Variants in LUC7L2 observed in about 807,000 individuals in gnomAD.
LUC7L2 encodes the protein putative RNA-binding protein Luc7-like 2.
A neutral mutation model predicts 52.8 loss-of-function variants in LUC7L2; 25 were observed. That is an observed-to-expected ratio of 0.47 (90% CI 0.34 to 0.66). The LOEUF (loss-of-function observed/expected upper bound fraction) is 0.66. Ranked by LOEUF, LUC7L2 falls within the 30% of genes least tolerant of loss-of-function variation. LUC7L2 has a pLI of 0.01. For missense variants in LUC7L2, 328 were observed against 497.8 expected (o/e 0.66, Z 3.25); for synonymous variants, 144 against 160.9 (o/e 0.89, Z 0.80).
At chr7:139,391,281 A>G (rs577889926) in intron 2 of LUC7L2, among the ~76,000 whole-genome samples, 23 of 152,328 alleles carry the variant, frequency 1.5e-4, no homozygotes, top group Admixed American at 1.3e-4. Context: ...TATAAATTCC[A>G]TAATAGTAGA....
chr7:139,349,620 C>T (rs941065996), intron 1 of LUC7L2, among the ~76,000 whole-genome samples: 6 of 150,696 alleles, frequency 4.0e-5, no homozygotes, highest in South Asian at 2.2e-4. Context: ...CTGCTCCCCC[C>T]CCCCCCACCG....
intron 1 of LUC7L2, among the ~76,000 whole-genome samples, chr7:139,367,087 C>A (rs7799598): frequency 6.6e-6 from 1 of 151,848 alleles, no homozygotes; most frequent in African/African-American, 2.4e-5. Flanking sequence ...GGCGATTACC[C>A]TAGCTTCCCG....
intron 1 of LUC7L2, among the ~76,000 whole-genome samples, chr7:139,367,383 AAATAAATAC>A (rs1800216501): frequency 6.6e-6 from 1 of 152,256 alleles, no homozygotes; most frequent in African/African-American, 2.4e-5. Flanking sequence ...ACCACCATAA[AAATAAATAC>A]AATGAAAACA....
chr7:139,353,653 C>T (rs376650313), intron 1 of LUC7L2, among the ~76,000 whole-genome samples: 2 of 152,152 alleles, frequency 1.3e-5, no homozygotes, highest in African/African-American at 4.8e-5. Flanking sequence ...ATTAGCCGGG[C>T]GTGGTGGCAG....
At chr7:139,355,594 A>C (rs1563252731), upstream of LUC7L2, among the ~76,000 whole-genome samples, 1 of 152,250 alleles carries the variant, frequency 6.6e-6, no homozygotes, top group Non-Finnish European at 1.5e-5. Context: ...CCTAATACAA[A>C]TTCTACAACT....
upstream of LUC7L2, among the ~76,000 whole-genome samples, chr7:139,356,127 G>A (rs1442146942): frequency 6.6e-6 from 1 of 150,518 alleles, no homozygotes; most frequent in African/African-American, 2.4e-5. Flanking sequence ...GGCAACATAG[G>A]GAGACCTTGT....
At chr7:139,405,888 T>C in intron 5 of LUC7L2, 101 bp downstream of exon 5, 1 of 1,378,822 alleles carries the variant, frequency 7.3e-7, no homozygotes, top group Non-Finnish European at 9.5e-7. Flanking sequence ...TCTAAGAACA[T>C]GTATTTGAAT....
At chr7:139,416,813 A>C (rs543711906) in intron 8 of LUC7L2, 26 of 152,360 alleles carry the variant, frequency 1.7e-4, no homozygotes, top group African/African-American at 6.0e-4. Flanking sequence ...GTCCTGACGT[A>C]TTCTTCCTCA....
chr7:139,353,056 G>A (rs1799502261), intron 1 of LUC7L2, among the ~76,000 whole-genome samples: 1 of 152,052 alleles, frequency 6.6e-6, no homozygotes, highest in Admixed American at 6.5e-5. Context: ...AAATTAGCTG[G>A]GCTTGGTGCC....
rs564895135 is a variant in LUC7L2, at chr7:139,403,037, G to A, written c.366+790G>A. 1.9e-4 allele frequency among the ~76,000 whole-genome samples: 29 copies of A among 152,258 alleles called. 1 individual carries two copies. Among genetic ancestry groups the A allele is most frequent in the Middle Eastern group, 3.4e-3 (1 of 294 alleles). On this transcript the variant is annotated intron_variant, in intron 4 of 9. Transcript: ENST00000354926. ...GTTACATAAATGAAATCCTGTGTAC[G>A]CTTTTGAGATTTGGCCTTTTTCATT...
At chr7:139,362,019 A>AT (rs1799909117) in intron 1 of LUC7L2, among the ~76,000 whole-genome samples, 1 of 138,918 alleles carries the variant, frequency 7.2e-6, no homozygotes, top group Non-Finnish European at 1.6e-5. Context: ...AGCTAAATTT[A>AT]AATATATATA....
rs559755005 is a variant in LUC7L2, at chr7:139,372,403, CCTT to C, written c.62-3655_62-3653del. On this transcript the variant is annotated intron_variant, in intron 1 of 9. Transcript: ENST00000354926. Reference sequence around the variant, plus strand: ...ATGGTTTACTTACTGTTCCCCCAAACCTTCTTGCTCTTATAAGCTTTGTCAAAG... The same window carrying C: ...ATGGTTTACTTACTGTTCCCCCAAACCTTGCTCTTATAAGCTTTGTCAAAG... Among the ~76,000 whole-genome samples, 11 of 152,300 alleles carry C rather than the reference CCTT, an allele frequency of 7.2e-5. No homozygotes were observed. The South Asian group carries it at 1.0e-3, about 14-fold the overall frequency.
At chr7:139,410,579 G>A (rs965674819) in intron 7 of LUC7L2, among the ~76,000 whole-genome samples, 1 of 152,032 alleles carries the variant, frequency 6.6e-6, no homozygotes, top group Non-Finnish European at 1.5e-5. Context: ...ACATTTTTTT[G>A]TAACTCATCT....
chr7:139,350,427 T>C (rs1294231645), intron 1 of LUC7L2, among the ~76,000 whole-genome samples: 1 of 151,568 alleles, frequency 6.6e-6, no homozygotes, highest in East Asian at 2.0e-4. Flanking sequence ...AGCCACCTTA[T>C]CTTGTTAGTA....
At chr7:139,397,891 G>GCTTGTT (rs1794729252) in intron 2 of LUC7L2, among the ~76,000 whole-genome samples, 1 of 152,164 alleles carries the variant, frequency 6.6e-6, no homozygotes, top group South Asian at 2.1e-4. Flanking sequence ...GGGATTAAAT[G>GCTTGTT]CTTGTTCTCT....
chr7:139,411,199 T>A (rs1280267098), intron 7 of LUC7L2, among the ~76,000 whole-genome samples: 1 of 152,224 alleles, frequency 6.6e-6, no homozygotes, highest in Admixed American at 6.5e-5. Context: ...CTCCTTTGTT[T>A]GCCAAATGGC....
chr7:139,388,804 C>G (rs1347721067), intron 2 of LUC7L2, among the ~76,000 whole-genome samples: 2 of 151,952 alleles, frequency 1.3e-5, no homozygotes, highest in East Asian at 3.8e-4. Flanking sequence ...ATACTTGAAA[C>G]CCTGAAGAGA....
intron 3 of LUC7L2, among the ~76,000 whole-genome samples, chr7:139,399,886 G>T (rs188298049): frequency 1.3e-5 from 2 of 148,426 alleles, no homozygotes; most frequent in Non-Finnish European, 1.5e-5. Flanking sequence ...TATGAAAATC[G>T]TTTGCATAAA....
intron 4 of LUC7L2, 43 bp from the exon 5 acceptor site, chr7:139,405,600 CA>C: frequency 6.5e-7 from 1 of 1,535,604 alleles, no homozygotes; most frequent in Non-Finnish European, 8.7e-7. Flanking sequence ...ATTTAAAATT[CA>C]TTCTCTTGTT....
Sources: allele counts gnomAD v4.1 joint callset (sites outside exome capture counted in the v4.1 genomes callset), GRCh38; gene constraint gnomAD v4.1.1; transcripts MANE v1.5; gene names NCBI Gene and HGNC (gene_info 2026-07-23, HGNC 2026-07-21).